Variants in NXPE2 observed in about 807,000 individuals in gnomAD.
NXPE2 encodes neurexophilin and PC-esterase domain family member 2.
Under a neutral mutation model 34.4 loss-of-function variants are expected in NXPE2, and 34 were observed. The observed-to-expected ratio is 0.99, with a 90% CI of 0.75 to 1.31. NXPE2 has a LOEUF of 1.31. Among genes scored for constraint, NXPE2 ranks in the 40% most tolerant of loss-of-function variants. NXPE2 has a pLI of 0.00. For missense variants in NXPE2, 649 were observed against 672.5 expected (o/e 0.97, Z 0.39); for synonymous variants, 235 against 231.3 (o/e 1.02, Z -0.15).
chr11:114,620,398 C>T, the NXPE2 span, among the ~76,000 whole-genome samples: 1 of 151,794 alleles, frequency 6.6e-6, no homozygotes, highest in Non-Finnish European at 1.5e-5. Context: ...ACCACTGTTA[C>T]CCATTGGATA....
the NXPE2 span, among the ~76,000 whole-genome samples, chr11:114,473,546 A>T: frequency 6.6e-6 from 1 of 152,216 alleles, no homozygotes; most frequent in African/African-American, 2.4e-5. Context: ...TTCAAGAATA[A>T]TATATACAAA....
chr11:114,744,646 C>T, the NXPE2 span, among the ~76,000 whole-genome samples: 1 of 151,814 alleles, frequency 6.6e-6, no homozygotes, highest in Non-Finnish European at 1.5e-5. Context: ...CCAGGCTCTA[C>T]AAAAAATACA....
chr11:114,658,629 A>G, the NXPE2 span, among the ~76,000 whole-genome samples: 2 of 152,128 alleles, frequency 1.3e-5, no homozygotes, highest in Admixed American at 6.6e-5. Flanking sequence ...ACATATGAAG[A>G]TCCCTGTGGT....
chr11:114,468,849 T>A, the NXPE2 span, among the ~76,000 whole-genome samples: 2 of 152,182 alleles, frequency 1.3e-5, no homozygotes, highest in African/African-American at 4.8e-5. Context: ...GCCCAGTTCA[T>A]ATATCTGATG....
At chr11:114,642,233 G>A in the NXPE2 span, among the ~76,000 whole-genome samples, 2 of 151,944 alleles carry the variant, frequency 1.3e-5, no homozygotes, top group South Asian at 2.1e-4. Context: ...CAAAAAACCC[G>A]GTCTAACAAT....
chr11:114,602,684 T>C, the NXPE2 span, among the ~76,000 whole-genome samples: 10 of 141,440 alleles, frequency 7.1e-5, no homozygotes, highest in East Asian at 1.9e-3. Context: ...TCATATGTAA[T>C]AATTATCTCA....
chr11:114,778,132 C>T, the NXPE2 span, among the ~76,000 whole-genome samples: 27 of 152,174 alleles, frequency 1.8e-4, no homozygotes, highest in African/African-American at 6.5e-4. Context: ...CATAATCCTT[C>T]CCAGAGTAAA....
chr11:114,543,016 AG>A, the NXPE2 span, among the ~76,000 whole-genome samples: 2 of 152,138 alleles, frequency 1.3e-5, no homozygotes, highest in Admixed American at 1.3e-4. Flanking sequence ...GCACTTTGGG[AG>A]GTTGAGGCAG....
chr11:114,789,630 T>TG, the NXPE2 span, among the ~76,000 whole-genome samples: 2 of 152,146 alleles, frequency 1.3e-5, no homozygotes, highest in African/African-American at 4.8e-5. Flanking sequence ...GGTGGTACAA[T>TG]GGGGCAGTGG....
At chr11:114,730,857 C>A in the NXPE2 span, among the ~76,000 whole-genome samples, 321 of 152,204 alleles carry the variant, frequency 2.1e-3, 1 homozygote, top group African/African-American at 6.8e-3. Flanking sequence ...GGTTGACTTC[C>A]TATTTTCCTA....
chr11:114,702,254 C>T (rs1951379088), intron 3 of NXPE2, among the ~76,000 whole-genome samples: 1 of 152,056 alleles, frequency 6.6e-6, no homozygotes, highest in South Asian at 2.1e-4. Flanking sequence ...AATGCACATA[C>T]ACAATTACAA....
the NXPE2 span, among the ~76,000 whole-genome samples, chr11:114,731,507 C>A: frequency 1.3e-5 from 2 of 152,136 alleles, no homozygotes; most frequent in Admixed American, 1.3e-4. Context: ...TTAAACAGTT[C>A]ATGGTACATC....
At chr11:114,707,189 T>G (rs1186560942), downstream of NXPE2, among the ~76,000 whole-genome samples, 3 of 152,180 alleles carry the variant, frequency 2.0e-5, no homozygotes, top group Admixed American at 2.0e-4. Flanking sequence ...CCTCCAAGGT[T>G]CAAGTGATTC....
At chr11:114,701,408 T>C (rs896960394) in intron 3 of NXPE2, among the ~76,000 whole-genome samples, 1 of 152,178 alleles carries the variant, frequency 6.6e-6, no homozygotes, top group Non-Finnish European at 1.5e-5. Context: ...GACTGGCACA[T>C]ACTTTGGGTC....
chr11:114,638,737 C>T, the NXPE2 span, among the ~76,000 whole-genome samples: 1 of 151,916 alleles, frequency 6.6e-6, no homozygotes, highest in Non-Finnish European at 1.5e-5. Context: ...TACTCCAGAC[C>T]CTGTTTGCCT....
chr11:114,517,798 G>A, the NXPE2 span: 1 of 152,268 alleles, frequency 6.6e-6, no homozygotes, highest in Admixed American at 6.5e-5. Flanking sequence ...TGACATCAAG[G>A]TGGCACACAG....
intron 3 of NXPE2, among the ~76,000 whole-genome samples, chr11:114,703,553 G>T (rs1951407009): frequency 6.6e-6 from 1 of 152,158 alleles, no homozygotes; most frequent in African/African-American, 2.4e-5. Flanking sequence ...AGAAACACTA[G>T]CCTTGGAAAG....
the NXPE2 span, among the ~76,000 whole-genome samples, chr11:114,628,434 G>A: frequency 1.3e-5 from 2 of 152,102 alleles, no homozygotes; most frequent in Non-Finnish European, 1.5e-5. Flanking sequence ...GGTACATAAC[G>A]AAATGAAAGC....
chr11:114,740,312 G>T, the NXPE2 span, among the ~76,000 whole-genome samples: 1 of 152,138 alleles, frequency 6.6e-6, no homozygotes, highest in Non-Finnish European at 1.5e-5. Flanking sequence ...GGAGCCTATA[G>T]TGTGTGTATC....
Sources: allele counts gnomAD v4.1 joint callset (sites outside exome capture counted in the v4.1 genomes callset), GRCh38; gene constraint gnomAD v4.1.1; transcripts MANE v1.5; gene names NCBI Gene and HGNC (gene_info 2026-07-23, HGNC 2026-07-21).